The following SLIT1 variants were observed in gnomAD, a reference collection of about 807,000 sequenced individuals.
The protein encoded by SLIT1 is slit guidance ligand 1.
SLIT1 carries 66 observed loss-of-function variants against 186.1 expected under a neutral mutation model. The observed-to-expected ratio is 0.35, with a 90% CI of 0.29 to 0.44. The LOEUF (loss-of-function observed/expected upper bound fraction) is 0.44, where lower values mean the gene tolerates loss of function less well. Ranked by LOEUF, SLIT1 falls within the 20% of genes least tolerant of loss-of-function variation. The pLI, the probability that SLIT1 is intolerant of heterozygous loss-of-function variation, is 1.00. For synonymous variants in SLIT1, 761 were observed against 833.8 expected, an observed-to-expected ratio of 0.91 and a Z score of 1.50; for missense variants, 1,638 against 2,037.4, an observed-to-expected ratio of 0.80 and a Z score of 3.77.
intron 4 of SLIT1, among the ~76,000 whole-genome samples, chr10:97,069,993 A>G (rs1169605083): frequency 6.6e-6 from 1 of 152,098 alleles, no homozygotes; most frequent in Admixed American, 6.5e-5. Context: ...AACCCAGGTC[A>G]TAAGGACACT....
intron 3 of SLIT1, among the ~76,000 whole-genome samples, chr10:97,161,904 CTCTT>C (rs1229086364): frequency 3.9e-5 from 6 of 152,320 alleles, no homozygotes; most frequent in African/African-American, 1.4e-4. Context: ...CTGTGTACCT[CTCTT>C]TCTCATCTGT....
intron 30 of SLIT1, among the ~76,000 whole-genome samples, chr10:97,011,422 G>C (rs1170771799): frequency 6.6e-6 from 1 of 152,070 alleles, no homozygotes; most frequent in South Asian, 2.1e-4. Flanking sequence ...TTGTCATGGA[G>C]GACCCACCTT....
chr10:97,038,613 T>C (rs1307568263), intron 21 of SLIT1, among the ~76,000 whole-genome samples: 1 of 152,042 alleles, frequency 6.6e-6, no homozygotes, highest in Non-Finnish European at 1.5e-5. Flanking sequence ...AGCCTGAAGG[T>C]GCTAAGCAGT....
At chr10:97,024,549 C>T (rs1401656628) in intron 25 of SLIT1, among the ~76,000 whole-genome samples, 7 of 152,156 alleles carry the variant, frequency 4.6e-5, no homozygotes, top group African/African-American at 1.4e-4. Flanking sequence ...TCCTGGCTAA[C>T]GGGATGGGTG....
chr10:97,027,711 C>A (rs1848557997), intron 25 of SLIT1, among the ~76,000 whole-genome samples: 1 of 152,222 alleles, frequency 6.6e-6, no homozygotes, highest in Admixed American at 6.5e-5. Flanking sequence ...ATAGGCTCAA[C>A]ATTTGTTTTT....
intron 28 of SLIT1, among the ~76,000 whole-genome samples, chr10:97,014,453 G>T (rs1848437429): frequency 1.3e-5 from 2 of 152,198 alleles, no homozygotes; most frequent in Admixed American, 6.5e-5. Flanking sequence ...GAGACACCTG[G>T]CTCCTCCTTG....
chr10:97,015,221 A>G (rs1848445599), intron 28 of SLIT1, among the ~76,000 whole-genome samples: 2 of 152,208 alleles, frequency 1.3e-5, no homozygotes, highest in South Asian at 4.1e-4. Flanking sequence ...TGATGGGACA[A>G]GCCCTCCAGG....
At chr10:97,171,404 C>T (rs1029448654) in intron 1 of SLIT1, among the ~76,000 whole-genome samples, 1 of 152,160 alleles carries the variant, frequency 6.6e-6, no homozygotes, top group Non-Finnish European at 1.5e-5. Context: ...TTCACCTTGG[C>T]CCCTCTCCAA....
At chr10:97,084,574 CT>C in intron 4 of SLIT1, among the ~76,000 whole-genome samples, 1 of 146,200 alleles carries the variant, frequency 6.8e-6, no homozygotes, top group East Asian at 2.0e-4. Flanking sequence ...CTTTTCTTTC[CT>C]TTTCTTTTAT....
At chr10:97,150,368 A>G (rs1849863986) in intron 4 of SLIT1, among the ~76,000 whole-genome samples, 2 of 152,094 alleles carry the variant, frequency 1.3e-5, no homozygotes, top group Admixed American at 1.3e-4. Context: ...GGGGACCAAG[A>G]CGGGAAGGGA....
chr10:97,159,458 A>G (rs1849997340), intron 3 of SLIT1, among the ~76,000 whole-genome samples: 1 of 152,246 alleles, frequency 6.6e-6, no homozygotes, highest in South Asian at 2.1e-4. Context: ...TCCTTGGTCC[A>G]GTAAATTAAT....
At chr10:97,149,713 G>A (rs911979481) in intron 4 of SLIT1, among the ~76,000 whole-genome samples, 2 of 152,152 alleles carry the variant, frequency 1.3e-5, no homozygotes, top group Non-Finnish European at 2.9e-5. Context: ...GCAGTTTGAA[G>A]GTAAGTATGT....
Position 97,163,443 on chromosome 10 carries a change from A to G in SLIT1, c.278T>C (p.Met93Thr). ...TTCCACTGCTCCAATCTGGTTCTCC[A>G]TCAGCTGCCTGGGGAAGCAAAGAGA... Reference protein sequence around the residue: ...GLKQLRVLQLMENQIGAVERG... With the variant: ...GLKQLRVLQLTENQIGAVERG... Residue 93 changes from methionine (M) to threonine (T), a missense_variant, in exon 3 of 37, where the codon ATG (methionine) becomes ACG (threonine). Coordinates refer to ENST00000266058, the MANE Select transcript of SLIT1 (RefSeq NM_003061.3). 1 of 1,614,066 alleles carries G rather than the reference A, an allele frequency of 6.2e-7. No homozygotes were observed. Among genetic ancestry groups the G allele is most frequent in the Non-Finnish European group, 8.5e-7 (1 of 1,179,878 alleles).
Position 97,010,933 on chromosome 10 carries a change from G to A in SLIT1, c.3341+60C>T. On this transcript the variant is annotated intron_variant, in intron 31 of 36. Transcript: ENST00000266058. This position sits in a 1 kb window ranked among gnomAD's most constrained non-coding sequence, Gnocchi z 4.8. ...TCCTTCGCCATGGCTGGAGGCTCCT[G>A]CCAGCCCAGGGGCTGACAGCCACAA... 1.9e-6 allele frequency: 3 copies of A among 1,550,642 alleles called. No homozygotes were observed. Among genetic ancestry groups the A allele is most frequent in the Middle Eastern group, 1.7e-4 (1 of 5,806 alleles).
chr10:97,143,442 A>G (rs1849785518), intron 4 of SLIT1, among the ~76,000 whole-genome samples: 1 of 152,252 alleles, frequency 6.6e-6, no homozygotes, highest in Admixed American at 6.5e-5. Context: ...AAATTCATAG[A>G]CACAGAAAAT....
intron 4 of SLIT1, among the ~76,000 whole-genome samples, chr10:97,151,564 G>A (rs1564688789): frequency 6.6e-6 from 1 of 151,722 alleles, no homozygotes; most frequent in Non-Finnish European, 1.5e-5. Context: ...TGATAACTAG[G>A]TGGATGGACA....
intron 25 of SLIT1, among the ~76,000 whole-genome samples, chr10:97,027,872 C>T (rs1803914683): frequency 6.6e-6 from 1 of 152,194 alleles, no homozygotes; most frequent in Non-Finnish European, 1.5e-5. Flanking sequence ...GCCAACTGCA[C>T]ATCTGCACAG....
At chr10:97,048,209 G>A (rs977232979) in intron 14 of SLIT1, among the ~76,000 whole-genome samples, 1 of 152,176 alleles carries the variant, frequency 6.6e-6, no homozygotes, top group African/African-American at 2.4e-5. Context: ...TAAACCTCTC[G>A]CAAGGAGTGC....
intron 24 of SLIT1, among the ~76,000 whole-genome samples, chr10:97,031,186 GC>G (rs1447089277): frequency 6.9e-6 from 1 of 145,392 alleles, no homozygotes; most frequent in Non-Finnish European, 1.5e-5. Context: ...ATGTCACCTT[GC>G]CCCTGGTGGG....
Sources: allele counts gnomAD v4.1 joint callset (sites outside exome capture counted in the v4.1 genomes callset), GRCh38; gene constraint gnomAD v4.1.1; non-coding constraint Gnocchi (gnomAD v3.1); transcripts MANE v1.5; gene names NCBI Gene and HGNC (gene_info 2026-07-23, HGNC 2026-07-21).